Variants in CDK14 observed in about 807,000 individuals in gnomAD.
The protein encoded by CDK14 is cyclin dependent kinase 14.
CDK14 carries 34 observed loss-of-function variants against 60.7 expected under a neutral mutation model. That is an observed-to-expected ratio of 0.56 (90% CI 0.43 to 0.75). The LOEUF is 0.75. Ranked by LOEUF, CDK14 falls within the 30% of genes least tolerant of loss-of-function variation. CDK14 has a pLI of 0.00. For synonymous variants in CDK14, 197 were observed against 203.7 expected (o/e 0.97, Z 0.28); for missense variants, 482 against 564.1 (o/e 0.85, Z 1.47).
At position 90,917,668 on chromosome 7, in the gene CDK14, T is replaced by G. The variant is rs1160616800; in HGVS notation, c.770T>G (p.Leu257Arg). The change falls in exon 8 of 15, where the codon CTG becomes CGG. Residue 257 changes from leucine (L) to arginine (R), a missense_variant. Transcript: ENST00000380050. ...CAGCGTTATATTTTGCACAGAGACC[T>G]GAAACCACAGAACCTTCTGATCAGT... The part of the protein sequence containing the change: ...IHQRYILHRD[L>R]KPQNLLISDT... 6.2e-7 allele frequency: 1 copy of G among 1,613,770 alleles called. No individual in the cohort carries two copies. The highest frequency in any genetic ancestry group is 8.5e-7 in the Non-Finnish European group (1 of 1,179,716).
chr7:91,168,123 G>A (rs772336190), intron 14 of CDK14, among the ~76,000 whole-genome samples: 39 of 151,974 alleles, frequency 2.6e-4, no homozygotes, highest in Admixed American at 2.1e-3. Flanking sequence ...TTAGCTGGGC[G>A]TGGTGGCGCA....
At chr7:91,125,328 T>G (rs1452590243) in intron 14 of CDK14, among the ~76,000 whole-genome samples, 1 of 152,150 alleles carries the variant, frequency 6.6e-6, no homozygotes, top group East Asian at 1.9e-4. Context: ...GCAAATGTAA[T>G]GAAAATTGCA....
chr7:90,784,441 A>G (rs1468971519), intron 4 of CDK14, among the ~76,000 whole-genome samples: 1 of 152,246 alleles, frequency 6.6e-6, no homozygotes, highest in Non-Finnish European at 1.5e-5. Context: ...AAAAGAAATG[A>G]TAAATGGTTG....
At position 90,610,212 on chromosome 7, in the gene CDK14, TG is replaced by T. The variant is rs1254419863; in HGVS notation, c.123+5965del. ...ATCACTCTCTTGCTGGTATCCTCAA[TG>T]GCCTTACCCCTTTGTACTTCATTTG... On this transcript the variant is annotated intron_variant, in intron 2 of 14. Transcript: ENST00000380050. Among the ~76,000 whole-genome samples the T allele has an allele frequency of 1.4e-4, 22 of 152,330 alleles. 1 individual carries two copies. The highest frequency in any genetic ancestry group is 5.1e-4 in the African/African-American group (21 of 41,580).
At chr7:90,734,858 C>T (rs922481039) in intron 3 of CDK14, among the ~76,000 whole-genome samples, 10 of 152,068 alleles carry the variant, frequency 6.6e-5, no homozygotes, top group Non-Finnish European at 1.0e-4. Context: ...CCCCTGCTGG[C>T]GAGGAGTTGT....
At chr7:90,820,149 T>A (rs1789493303) in intron 5 of CDK14, among the ~76,000 whole-genome samples, 1 of 152,198 alleles carries the variant, frequency 6.6e-6, no homozygotes, top group African/African-American at 2.4e-5. Context: ...TTTTTTAGTA[T>A]GAGTATGACC....
chr7:91,154,401 A>G lies in CDK14; in HGVS notation c.*28+36193A>G, dbSNP rs1054138090. ...TTGCCATGAAGATCTCTGTATATAA[A>G]TCTTTCCCTACATTGCTAATTATAT... is the stretch of plus-strand genomic sequence containing the variant. On this transcript the variant is annotated intron_variant, in intron 14 of 14. Coordinates refer to ENST00000380050, the MANE Select transcript of CDK14 (RefSeq NM_001287135.2). 7.3e-5 allele frequency among the ~76,000 whole-genome samples: 11 copies of G among 151,180 alleles called. No homozygotes were observed. The Middle Eastern group carries it at 0.011, about 155-fold the overall frequency.
chr7:91,157,724 C>T (rs1209540843), intron 14 of CDK14, among the ~76,000 whole-genome samples: 1 of 152,190 alleles, frequency 6.6e-6, no homozygotes, highest in Non-Finnish European at 1.5e-5. Context: ...ATGTAAAGCT[C>T]TTAGACTAGC....
rs189183544 is a variant in CDK14, at chr7:90,736,223, G to A, written c.369+9411G>A. Among the ~76,000 whole-genome samples the A allele has an allele frequency of 1.0e-3, 152 of 152,062 alleles. 3 individuals are homozygous for A. The highest frequency in any genetic ancestry group is 6.1e-3 in the Admixed American group (94 of 15,288). ...GAAGTGTAGAAATCACCTGCCTTCC[G>A]TGTTGATCTCGCTGGGAGCTGCAGA... On this transcript the variant is annotated intron_variant, in intron 3 of 14. Transcript: ENST00000380050.
At chr7:90,804,356 C>T (rs1258055672) in intron 5 of CDK14, among the ~76,000 whole-genome samples, 1 of 152,206 alleles carries the variant, frequency 6.6e-6, no homozygotes, top group East Asian at 1.9e-4. Context: ...CACTATTATT[C>T]TCAATGCATA....
In CDK14 at chr7:91,157,568, G is replaced by A. The variant is rs142991134; in HGVS notation, c.*28+39360G>A. Among the ~76,000 whole-genome samples the A allele has an allele frequency of 2.4e-4, 37 of 152,282 alleles. No individual in the cohort carries two copies. The East Asian group carries it at 5.0e-3, about 21-fold the overall frequency. On this transcript the variant is annotated intron_variant, in intron 14 of 14. Coordinates refer to ENST00000380050, the MANE Select transcript of CDK14 (RefSeq NM_001287135.2). ...CATGGCCATTAGGAGTTCCAGTTCC[G>A]GAGTTAACTGTCCTGGTTTGAAAGC...
At chr7:90,687,835 A>G (rs1801470066) in intron 2 of CDK14, among the ~76,000 whole-genome samples, 1 of 152,168 alleles carries the variant, frequency 6.6e-6, no homozygotes, top group Non-Finnish European at 1.5e-5. Context: ...TATAAAAGCA[A>G]TTTCTGAGGT....
chr7:90,802,729 A>G (rs1223670116), intron 5 of CDK14, among the ~76,000 whole-genome samples: 3 of 152,344 alleles, frequency 2.0e-5, no homozygotes, highest in South Asian at 4.1e-4. Context: ...ACATGAGGCC[A>G]TAAAATAGAA....
intron 2 of CDK14, among the ~76,000 whole-genome samples, chr7:90,688,583 G>A (rs1427327952): frequency 6.6e-6 from 1 of 152,162 alleles, no homozygotes; most frequent in Non-Finnish European, 1.5e-5. Context: ...GGCAATGACA[G>A]TAAGAGGTAT....
At chr7:90,888,775 C>T (rs1185896909) in intron 6 of CDK14, among the ~76,000 whole-genome samples, 1 of 152,086 alleles carries the variant, frequency 6.6e-6, no homozygotes, top group East Asian at 1.9e-4. Flanking sequence ...CCTTTTTAAA[C>T]AATTCTTGAG....
At chr7:91,207,053 G>A (rs1380039773) in intron 14 of CDK14, 112 bp from the exon 15 acceptor site, 1 of 152,012 alleles carries the variant, frequency 6.6e-6, no homozygotes, top group African/African-American at 2.4e-5. Context: ...GTGGCTGTGG[G>A]GAACATCAGT....
chr7:90,961,411 A>G (rs1021346641), intron 9 of CDK14, among the ~76,000 whole-genome samples: 9 of 152,332 alleles, frequency 5.9e-5, no homozygotes, highest in African/African-American at 2.2e-4. Flanking sequence ...TCACAGGACT[A>G]GTACTTATGC....
chr7:90,837,300 T>G (rs1420449542), intron 5 of CDK14, among the ~76,000 whole-genome samples: 1 of 151,270 alleles, frequency 6.6e-6, no homozygotes, highest in African/African-American at 2.4e-5. Flanking sequence ...TCTTTTTTTT[T>G]TTTTTGAGAT....
intron 5 of CDK14, among the ~76,000 whole-genome samples, chr7:90,830,032 T>C (rs897039076): frequency 6.6e-6 from 1 of 152,142 alleles, no homozygotes; most frequent in African/African-American, 2.4e-5. Flanking sequence ...AAGCTGTTGG[T>C]GGATCTACCA....
Sources: gnomAD v4.1 joint callset for allele counts (sites outside exome capture counted in the v4.1 genomes callset) on GRCh38, gnomAD v4.1.1 for gene constraint, MANE v1.5 for transcripts, NCBI Gene and HGNC (gene_info 2026-07-23, HGNC 2026-07-21) for gene names.